NIPSNAP2: variants seen among roughly 807,000 people sequenced by gnomAD.
The protein encoded by NIPSNAP2 is nipsnap homolog 2.
Under a neutral mutation model 48.4 loss-of-function variants are expected in NIPSNAP2, and 42 were observed. The observed-to-expected ratio is 0.87, with a 90% CI of 0.68 to 1.12. The LOEUF (loss-of-function observed/expected upper bound fraction) is 1.12. NIPSNAP2 is among the 50% of genes most tolerant of loss of function. NIPSNAP2 has a pLI of 0.00. For missense variants in NIPSNAP2, 314 were observed against 347.3 expected (o/e 0.90, Z 0.76); for synonymous variants, 158 against 126.6 (o/e 1.25, Z -1.67).
chr7:55,981,948 A>G, intron 4 of NIPSNAP2: 1 of 327,632 alleles, frequency 3.1e-6, no homozygotes, highest in Non-Finnish European at 5.7e-6. Context: ...CTGGAAATAC[A>G]GGTGCCCACC....
rs576451901 is a variant in NIPSNAP2, at chr7:55,982,470, C to T, written c.444+190C>T. Among the ~76,000 whole-genome samples, 33 of 152,176 alleles carry T rather than the reference C, an allele frequency of 2.2e-4. No homozygotes were observed. The South Asian group carries it at 4.1e-3, about 19-fold the overall frequency. Reference sequence around the variant, plus strand: ...ATACTATTCAAACAACAATTCTGACCGGGCGCGGTGGCTCACGCCTGTAAT... The same window carrying T: ...ATACTATTCAAACAACAATTCTGACTGGGCGCGGTGGCTCACGCCTGTAAT... On this transcript the variant is annotated intron_variant, in intron 5 of 9. Transcript: ENST00000322090.
chr7:55,995,940 T>C (rs1001107607), intron 8 of NIPSNAP2, among the ~76,000 whole-genome samples: 18 of 152,072 alleles, frequency 1.2e-4, no homozygotes, highest in Non-Finnish European at 5.9e-5. Context: ...ACTGTGCCAC[T>C]GCACTCCAGT....
At chr7:55,986,225 G>A (rs1017055409) in intron 7 of NIPSNAP2, among the ~76,000 whole-genome samples, 2 of 151,650 alleles carry the variant, frequency 1.3e-5, no homozygotes, top group Non-Finnish European at 2.9e-5. Context: ...AAAATTAACC[G>A]GGCATGGTGG....
At chr7:55,996,945 CT>C (rs1258313384) in intron 8 of NIPSNAP2, among the ~76,000 whole-genome samples, 5 of 152,222 alleles carry the variant, frequency 3.3e-5, no homozygotes, top group African/African-American at 1.2e-4. Context: ...CTTTGGGAGA[CT>C]GAGGCGTTTT....
At chr7:55,980,423 G>C (rs1436733340) in intron 3 of NIPSNAP2, 1 of 152,354 alleles carries the variant, frequency 6.6e-6, no homozygotes. Context: ...TGGTCCTGTA[G>C]CCCCAGCATC....
intron 7 of NIPSNAP2, among the ~76,000 whole-genome samples, chr7:55,985,376 A>G (rs953718762): frequency 2.6e-5 from 4 of 151,996 alleles, no homozygotes; most frequent in Admixed American, 1.3e-4. Flanking sequence ...AAAAATAACA[A>G]TTTTTCCACA....
intron 8 of NIPSNAP2, among the ~76,000 whole-genome samples, chr7:55,995,725 G>A (rs776068891): frequency 6.6e-6 from 1 of 152,324 alleles, no homozygotes; most frequent in African/African-American, 2.4e-5. Context: ...GTAGCTGCCC[G>A]GAGAGGGCCT....
chr7:55,975,993 T>C (rs931182553), intron 1 of NIPSNAP2, among the ~76,000 whole-genome samples: 3 of 152,050 alleles, frequency 2.0e-5, no homozygotes, highest in Non-Finnish European at 2.9e-5. Context: ...GCTGAAATGG[T>C]GCCACTGCAC....
At position 55,999,733 on chromosome 7, in the gene NIPSNAP2, T is replaced by A. The variant is rs1255698999; in HGVS notation, c.*661T>A. 6.6e-6 allele frequency: 1 copy of A among 152,286 alleles called. No individual in the cohort carries two copies. Among genetic ancestry groups the A allele is most frequent in the Non-Finnish European group, 1.5e-5 (1 of 68,042 alleles). The allele number at this position is 152,286 out of a possible 1,614,324, so 9.4% of individuals were successfully genotyped here. A position where few individuals can be genotyped will look rare whatever the true frequency, so the allele number is the denominator to read the frequency against. The stretch of plus-strand genomic sequence containing the variant: ...AAAACAATGGCTTGAAACTTGTGTA[T>A]CATATGTGATTTTGAAATGAACACC... On this transcript the variant is annotated 3_prime_UTR_variant, in exon 10 of 10. Coordinates refer to ENST00000322090, the MANE Select transcript of NIPSNAP2 (RefSeq NM_001483.3).
At chr7:55,984,138 G>C (rs1787279449) in intron 6 of NIPSNAP2, among the ~76,000 whole-genome samples, 1 of 152,068 alleles carries the variant, frequency 6.6e-6, no homozygotes, top group Non-Finnish European at 1.5e-5. Flanking sequence ...TGCAGGATAA[G>C]GTACAATATG....
chr7:55,991,470 G>GGC (rs1247352464), intron 7 of NIPSNAP2, among the ~76,000 whole-genome samples: 1 of 151,830 alleles, frequency 6.6e-6, no homozygotes, highest in Non-Finnish European at 1.5e-5. Flanking sequence ...TATTTGACCA[G>GGC]GCGCGGTGGC....
intron 1 of NIPSNAP2, among the ~76,000 whole-genome samples, chr7:55,969,163 ACTC>A (rs1488261693): frequency 2.6e-5 from 4 of 152,114 alleles, no homozygotes; most frequent in Non-Finnish European, 4.4e-5. Context: ...TCATGTTTAA[ACTC>A]CTCTGGGTTT....
At chr7:55,973,653 T>G (rs1455367925) in intron 1 of NIPSNAP2, among the ~76,000 whole-genome samples, 1 of 151,058 alleles carries the variant, frequency 6.6e-6, no homozygotes, top group Non-Finnish European at 1.5e-5. Context: ...TTTTTTTTTT[T>G]TTGTAGTGTT....
chr7:55,965,681 A>G (rs548998851), intron 1 of NIPSNAP2, among the ~76,000 whole-genome samples: 144 of 152,206 alleles, frequency 9.5e-4, no homozygotes, highest in Middle Eastern at 3.4e-3. Flanking sequence ...CCCGGGTTCA[A>G]GTAATTCTCC....
Position 55,997,375 on chromosome 7 carries a change from A to T in NIPSNAP2, c.722A>T (p.Asp241Val), listed in dbSNP as rs1787583505. Residue 241 changes from aspartate (D) to valine (V), a missense_variant, in exon 9 of 10, where the codon GAT becomes GTT. Asp to Val is a radical substitution (Grantham distance 152). This residue lies in a region of NIPSNAP2 where 116 missense variants were observed against 161.8 expected (regional missense o/e 0.72). Coordinates refer to ENST00000322090, the MANE Select transcript of NIPSNAP2 (RefSeq NM_001483.3). Reference sequence around the variant, plus strand: ...TGTGGTTATTTTTAAGCTTACAGGGATCTTCAGACCAGGGAAGACATACGG... The same window carrying T: ...TGTGGTTATTTTTAAGCTTACAGGGTTCTTCAGACCAGGGAAGACATACGG... The part of the protein sequence containing the change: ...YMVHHLWAYR[D>V]LQTREDIRNA... The T allele has an allele frequency of 3.7e-6, 6 of 1,613,402 alleles. No individual in the cohort carries two copies. Among genetic ancestry groups the T allele is most frequent in the African/African-American group, 1.3e-5 (1 of 75,034 alleles).
chr7:55,972,434 C>CT (rs562085477), intron 1 of NIPSNAP2, among the ~76,000 whole-genome samples: 7,554 of 136,610 alleles, frequency 0.055, 211 homozygotes, highest in South Asian at 0.072. Context: ...TTTTCTTTTT[C>CT]TTTTTTTTTT....
At chr7:55,993,668 A>C (rs1396823211) in intron 7 of NIPSNAP2, among the ~76,000 whole-genome samples, 1 of 151,818 alleles carries the variant, frequency 6.6e-6, no homozygotes, top group Non-Finnish European at 1.5e-5. Flanking sequence ...TGAACCCAGG[A>C]GATGGAGATT....
Position 55,996,140 on chromosome 7 carries a change from A to G in NIPSNAP2, c.712+1152A>G, listed in dbSNP as rs1218066810. ...CTCATCTGTACTAAAAATACAGAAAATTAGGCATGGAGGCGCATGCCTGTA... is the reference window on the plus strand; with the variant it reads ...CTCATCTGTACTAAAAATACAGAAAGTTAGGCATGGAGGCGCATGCCTGTA... On this transcript the variant is annotated intron_variant, in intron 8 of 9. Transcript: ENST00000322090. Among the ~76,000 whole-genome samples, 3 of 152,068 alleles carry G rather than the reference A, an allele frequency of 2.0e-5. No individual in the cohort carries two copies. The South Asian group carries it at 6.2e-4, about 32-fold the overall frequency.
intron 1 of NIPSNAP2, among the ~76,000 whole-genome samples, chr7:55,967,224 T>G (rs867555444): frequency 4.6e-5 from 7 of 152,230 alleles, no homozygotes; most frequent in East Asian, 3.9e-4. Context: ...TTTCTTTGGT[T>G]GTTCTTCTCC....
Sources: allele counts gnomAD v4.1 joint callset (sites outside exome capture counted in the v4.1 genomes callset), GRCh38; gene constraint gnomAD v4.1.1; regional missense constraint gnomAD v4.1.1; transcripts MANE v1.5; gene names NCBI Gene and HGNC (gene_info 2026-07-23, HGNC 2026-07-21).